Variants in BBOF1 observed in about 807,000 individuals in gnomAD.
BBOF1 encodes basal body-orientation factor 1.
BBOF1 carries 62 observed loss-of-function variants against 68.0 expected under a neutral mutation model. That is an observed-to-expected ratio of 0.91 (90% CI 0.74 to 1.13). The LOEUF (loss-of-function observed/expected upper bound fraction) is 1.13. Among genes scored for constraint, BBOF1 ranks in the 50% most tolerant of loss-of-function variants. The pLI is 0.00. For missense variants in BBOF1, 534 were observed against 600.1 expected (o/e 0.89, Z 1.15); for synonymous variants, 208 against 198.8 (o/e 1.05, Z -0.39).
At chr14:74,081,609 C>G (rs1277966755) in intron 12 of BBOF1, among the ~76,000 whole-genome samples, 2 of 152,170 alleles carry the variant, frequency 1.3e-5, no homozygotes, top group Non-Finnish European at 2.9e-5. Context: ...CTGCTGCTCT[C>G]TAGATGTTTA....
intron 4 of BBOF1, among the ~76,000 whole-genome samples, chr14:74,035,183 T>C (rs1252737239): frequency 1.3e-5 from 2 of 152,240 alleles, no homozygotes; most frequent in South Asian, 2.1e-4. Context: ...AAATAGCACG[T>C]CACATGGTAA....
At chr14:74,078,620 C>T (rs1049544458) in intron 10 of BBOF1, among the ~76,000 whole-genome samples, 1 of 152,150 alleles carries the variant, frequency 6.6e-6, no homozygotes, top group African/African-American at 2.4e-5. Flanking sequence ...CTCCACCTCC[C>T]GGGTTCAAGT....
At chr14:74,024,543 A>G (rs987987564) in intron 2 of BBOF1, among the ~76,000 whole-genome samples, 3 of 152,060 alleles carry the variant, frequency 2.0e-5, no homozygotes, top group Admixed American at 1.3e-4. Flanking sequence ...ACGGCTCACC[A>G]CAGGATCGAC....
At chr14:74,022,004 A>G (rs1395436446) in intron 1 of BBOF1, among the ~76,000 whole-genome samples, 8 of 152,158 alleles carry the variant, frequency 5.3e-5, no homozygotes. Context: ...CAGAAACTGA[A>G]CAGAGATAAT....
At chr14:74,021,588 CAA>C (rs111912208) in intron 1 of BBOF1, among the ~76,000 whole-genome samples, 24 of 117,528 alleles carry the variant, frequency 2.0e-4, no homozygotes, top group Admixed American at 2.6e-4. Context: ...GATCTTGTTT[CAA>C]AAAAAAAAAA....
At chr14:74,081,841 A>C (rs2060670768) in intron 12 of BBOF1, among the ~76,000 whole-genome samples, 1 of 152,154 alleles carries the variant, frequency 6.6e-6, no homozygotes, top group South Asian at 2.1e-4. Context: ...TTAAGTTCTG[A>C]ATTTTCAGCC....
chr14:74,032,880 TTTG>T, intron 3 of BBOF1, among the ~76,000 whole-genome samples: 1 of 152,228 alleles, frequency 6.6e-6, no homozygotes, highest in Non-Finnish European at 1.5e-5. Flanking sequence ...CTTTTGTTCA[TTTG>T]TTGTTATTGG....
intron 9 of BBOF1, among the ~76,000 whole-genome samples, chr14:74,076,357 T>G (rs561902337): frequency 9.2e-5 from 14 of 152,242 alleles, no homozygotes; most frequent in Non-Finnish European, 1.5e-5. Context: ...AGTCTGTATA[T>G]ATGTTATCAA....
At chr14:74,040,695 G>C (rs1444570728) in intron 5 of BBOF1, 50 bp downstream of exon 5, 1 of 1,128,414 alleles carries the variant, frequency 8.9e-7, no homozygotes. Context: ...TAGAACATAA[G>C]TGTATTTATA....
chr14:74,043,399 AATT>A (rs1252175575), intron 5 of BBOF1, among the ~76,000 whole-genome samples: 2 of 148,514 alleles, frequency 1.3e-5, no homozygotes, highest in Non-Finnish European at 3.0e-5. Flanking sequence ...AAATACAAAA[AATT>A]AGCCGGGCGC....
chr14:74,020,835 T>C (rs1192686872), intron 1 of BBOF1, among the ~76,000 whole-genome samples: 1 of 152,134 alleles, frequency 6.6e-6, no homozygotes. Flanking sequence ...TCAGACCTGA[T>C]ACCTGGATGG....
intron 11 of BBOF1, chr14:74,059,128 T>G: frequency 5.5e-6 from 1 of 181,962 alleles, no homozygotes. Flanking sequence ...GTTGAACTAA[T>G]GGCAGAAGAA....
At chr14:74,074,311 G>A (rs71429035) in intron 9 of BBOF1, among the ~76,000 whole-genome samples, 16,330 of 137,834 alleles carry the variant, frequency 0.12, 1,188 homozygotes, top group Admixed American at 0.21. Context: ...TTTTTGAAAC[G>A]GAGTCTCGCT....
intron 9 of BBOF1, chr14:74,071,230 T>C: frequency 1.2e-6 from 2 of 1,614,168 alleles, no homozygotes; most frequent in Non-Finnish European, 1.7e-6. Context: ...TAATGTTCCA[T>C]CAGGGGCACC....
downstream of BBOF1, among the ~76,000 whole-genome samples, chr14:74,069,439 C>G (rs2060518632): frequency 6.6e-6 from 1 of 151,814 alleles, no homozygotes; most frequent in Non-Finnish European, 1.5e-5. Flanking sequence ...GTGAAGTTCT[C>G]TCCTTGTTTC....
At chr14:74,057,490 G>C (rs35227177) in intron 11 of BBOF1, 195,205 of 1,411,006 alleles carry the variant, frequency 0.14, 14,707 homozygotes, top group Admixed American at 0.24. Flanking sequence ...GAAACCTATA[G>C]GTTGCCTTTT....
chr14:74,026,879 T>C (rs1442610963), intron 2 of BBOF1, among the ~76,000 whole-genome samples: 1 of 151,194 alleles, frequency 6.6e-6, no homozygotes, highest in Non-Finnish European at 1.5e-5. Context: ...GAGCTGAGAT[T>C]GCGCCACTGC....
At chr14:74,048,327 T>C (rs2059995197) in intron 7 of BBOF1, 1 of 288,714 alleles carries the variant, frequency 3.5e-6, no homozygotes, top group African/African-American at 2.2e-5. Flanking sequence ...CCTTAGAATA[T>C]TCATTTTTCT....
intron 5 of BBOF1, among the ~76,000 whole-genome samples, chr14:74,044,828 G>A (rs913982396): frequency 5.3e-5 from 8 of 152,144 alleles, no homozygotes; most frequent in African/African-American, 1.7e-4. Flanking sequence ...GAGAGGCTGA[G>A]GTGAAAGAAT....
Sources: gnomAD v4.1 joint callset for allele counts (sites outside exome capture counted in the v4.1 genomes callset) on GRCh38, gnomAD v4.1.1 for gene constraint, MANE v1.5 for transcripts, NCBI Gene and HGNC (gene_info 2026-07-23, HGNC 2026-07-21) for gene names.